EYS: variants seen among roughly 807,000 people sequenced by gnomAD.
EYS encodes the protein protein eyes shut homolog.
In EYS, 250 loss-of-function variants were observed where a neutral mutation model predicts 282.1. The ratio of observed to expected loss-of-function variants is 0.89; its 90% confidence interval spans 0.80 to 0.98. The LOEUF (loss-of-function observed/expected upper bound fraction) is 0.98, where lower values mean the gene tolerates loss of function less well. EYS is among the 50% of genes least tolerant of loss of function. EYS has a pLI of 0.00. For missense variants in EYS, 4,016 were observed against 3,709.0 expected, an observed-to-expected ratio of 1.08 and a Z score of -2.15; for synonymous variants, 1,355 against 1,282.9, an observed-to-expected ratio of 1.06 and a Z score of -1.20.
chr6:64,326,932 C>T (rs1329407774), intron 29 of EYS, among the ~76,000 whole-genome samples: 1 of 152,088 alleles, frequency 6.6e-6, no homozygotes, highest in Non-Finnish European at 1.5e-5. Flanking sequence ...ACTAGTCCAA[C>T]CCGAGGGGGT....
chr6:64,493,326 A>C (rs1776791814), intron 26 of EYS, among the ~76,000 whole-genome samples: 1 of 151,496 alleles, frequency 6.6e-6, no homozygotes, highest in Admixed American at 6.6e-5. Flanking sequence ...AGCCCATAAA[A>C]AGGGAAAATC....
chr6:64,834,918 A>T (rs1040727761), intron 19 of EYS, among the ~76,000 whole-genome samples: 1 of 151,800 alleles, frequency 6.6e-6, no homozygotes. Flanking sequence ...TGGTTGTACT[A>T]TTGAGAGACA....
intron 39 of EYS, among the ~76,000 whole-genome samples, chr6:63,780,999 G>A (rs961623674): frequency 6.6e-6 from 1 of 152,108 alleles, no homozygotes; most frequent in Admixed American, 6.6e-5. Flanking sequence ...CATTTATTAA[G>A]TAGGGAATCC....
At chr6:65,702,369 A>G (rs1377359470) in intron 1 of EYS, among the ~76,000 whole-genome samples, 1 of 152,184 alleles carries the variant, frequency 6.6e-6, no homozygotes, top group African/African-American at 2.4e-5. Context: ...ATTTTCTGTA[A>G]TAACCAAGAA....
At chr6:64,724,067 TG>T (rs939469842) in intron 22 of EYS, among the ~76,000 whole-genome samples, 7 of 149,024 alleles carry the variant, frequency 4.7e-5, no homozygotes, top group African/African-American at 1.5e-4. Context: ...TAATCATTGT[TG>T]TTTTTTTTTT....
At chr6:65,006,969 G>A (rs1255852632) in intron 13 of EYS, among the ~76,000 whole-genome samples, 2 of 152,150 alleles carry the variant, frequency 1.3e-5, no homozygotes, top group African/African-American at 4.8e-5. Flanking sequence ...CATCTTGATG[G>A]GGCAGCTGGG....
At chr6:64,238,190 TCACAAATAG>T in intron 30 of EYS, among the ~76,000 whole-genome samples, 1 of 152,166 alleles carries the variant, frequency 6.6e-6, no homozygotes, top group Admixed American at 6.6e-5. Flanking sequence ...TATTACACAG[TCACAAATAG>T]GATTCCTTAG....
At chr6:64,076,133 A>G (rs1256429438) in intron 32 of EYS, among the ~76,000 whole-genome samples, 1 of 152,002 alleles carries the variant, frequency 6.6e-6, no homozygotes, top group Non-Finnish European at 1.5e-5. Context: ...TTTTAAGTAA[A>G]TGCGTGAAAA....
chr6:65,291,037 A>T (rs1307097921), intron 12 of EYS, among the ~76,000 whole-genome samples: 11 of 151,534 alleles, frequency 7.3e-5, no homozygotes, highest in Admixed American at 7.3e-4. Flanking sequence ...TAAGTAAATA[A>T]TAAAAAGAAA....
chr6:64,717,234 C>T (rs565882477), intron 22 of EYS, among the ~76,000 whole-genome samples: 9 of 152,296 alleles, frequency 5.9e-5, no homozygotes, highest in East Asian at 5.8e-4. Context: ...TGTAGCTTGT[C>T]GCTTGCCAGT....
At position 63,784,057 on chromosome 6, in the gene EYS, C is replaced by T. The variant is rs200886406; in HGVS notation, c.7723+4048G>A. Among the ~76,000 whole-genome samples, 17 of 152,312 alleles carry T rather than the reference C, an allele frequency of 1.1e-4. No individual in the cohort carries two copies. In the East Asian group the frequency reaches 2.1e-3, roughly 19 times the overall value. On this transcript the variant is annotated intron_variant, in intron 39 of 42. Transcript: ENST00000503581. Reference sequence around the variant, plus strand: ...TGGGACATTGGTCTTTTCCAGCCTTCGTACTTGGACTGAAACATTGGCTTT... The same window carrying T: ...TGGGACATTGGTCTTTTCCAGCCTTTGTACTTGGACTGAAACATTGGCTTT...
At chr6:64,273,224 A>G (rs1767998001) in intron 30 of EYS, among the ~76,000 whole-genome samples, 1 of 152,146 alleles carries the variant, frequency 6.6e-6, no homozygotes, top group Admixed American at 6.5e-5. Flanking sequence ...TCTTTGTATC[A>G]TGATTAGATG....
chr6:64,653,266 G>C (rs1466684066), intron 22 of EYS, among the ~76,000 whole-genome samples: 2 of 152,072 alleles, frequency 1.3e-5, no homozygotes, highest in African/African-American at 4.8e-5. Context: ...AATCAACCCT[G>C]ATAACACCTT....
chr6:65,066,056 C>T (rs951674007), intron 12 of EYS, among the ~76,000 whole-genome samples: 1 of 152,120 alleles, frequency 6.6e-6, no homozygotes, highest in African/African-American at 2.4e-5. Context: ...AATAAAGAGG[C>T]TAGGGACATC....
At chr6:64,252,324 C>A (rs975725559) in intron 30 of EYS, among the ~76,000 whole-genome samples, 1 of 152,084 alleles carries the variant, frequency 6.6e-6, no homozygotes, top group Non-Finnish European at 1.5e-5. Context: ...CTCTTTCTAT[C>A]TCCACATATT....
At chr6:64,724,231 A>G (rs1771680851) in intron 22 of EYS, among the ~76,000 whole-genome samples, 1 of 152,126 alleles carries the variant, frequency 6.6e-6, no homozygotes, top group African/African-American at 2.4e-5. Context: ...CCACTTACAG[A>G]AAACCCAATC....
At chr6:64,600,722 A>G (rs1443753344) in intron 24 of EYS, among the ~76,000 whole-genome samples, 1 of 152,150 alleles carries the variant, frequency 6.6e-6, no homozygotes, top group Non-Finnish European at 1.5e-5. Context: ...CGGGGCTAAT[A>G]TGATGGCTGG....
intron 2 of EYS, among the ~76,000 whole-genome samples, chr6:65,548,885 T>C (rs1331197): frequency 0.74 from 113,253 of 152,146 alleles, 42,919 homozygotes; most frequent in African/African-American, 0.88. Flanking sequence ...TGTAGCACAG[T>C]GGTTCCCAAC....
At chr6:63,964,768 C>A (rs1766226622) in intron 35 of EYS, among the ~76,000 whole-genome samples, 1 of 152,156 alleles carries the variant, frequency 6.6e-6, no homozygotes, top group African/African-American at 2.4e-5. Context: ...CTTGTTAGTA[C>A]AATTAAAACA....
Sources: allele counts gnomAD v4.1 joint callset (sites outside exome capture counted in the v4.1 genomes callset), GRCh38; gene constraint gnomAD v4.1.1; transcripts MANE v1.5; gene names NCBI Gene and HGNC (gene_info 2026-07-23, HGNC 2026-07-21).